CD300LF: variants seen among roughly 807,000 people sequenced by gnomAD.
CD300LF encodes CD300 molecule like family member f, also known as CMRF35-like molecule 1.
Under a neutral mutation model 32.2 loss-of-function variants are expected in CD300LF, and 27 were observed. That is an observed-to-expected ratio of 0.84 (90% CI 0.62 to 1.15). The LOEUF is 1.15. Among genes scored for constraint, CD300LF ranks in the 50% most tolerant of loss-of-function variants. The pLI, the probability that CD300LF is intolerant of heterozygous loss-of-function variation, is 0.00. For missense variants in CD300LF, 348 were observed against 356.8 expected, an observed-to-expected ratio of 0.98 and a Z score of 0.20; for synonymous variants, 139 against 143.2, an observed-to-expected ratio of 0.97 and a Z score of 0.21.
chr17:74,703,127 G>A (rs2143743058), intron 2 of CD300LF, 29 bp from the exon 3 acceptor site: 1 of 1,613,596 alleles, frequency 6.2e-7, no homozygotes, highest in Non-Finnish European at 8.5e-7. Flanking sequence ...TAGGCGTGGT[G>A]GGGGCAGGAG....
chr17:74,698,336 A>T, intron 4 of CD300LF, 33 bp downstream of exon 4: 1 of 1,472,708 alleles, frequency 6.8e-7, no homozygotes, highest in South Asian at 1.1e-5. Flanking sequence ...CACCCGGCCC[A>T]GTCTCAGCCC....
rs754141944 is a variant in CD300LF, at chr17:74,698,350, C to G, written c.559+19G>C. The G allele has an allele frequency of 6.4e-7, 1 of 1,571,158 alleles. No homozygotes were observed. The highest frequency in any genetic ancestry group is 1.4e-5 in the African/African-American group (1 of 74,022). ...CCACCCGGCCCAGTCTCAGCCCAGCCTCACCCAGGTCCTCTCACCTTTCTG... is the reference window on the plus strand; with the variant it reads ...CCACCCGGCCCAGTCTCAGCCCAGCGTCACCCAGGTCCTCTCACCTTTCTG... On this transcript the variant is annotated intron_variant, in intron 4 of 6. Coordinates refer to ENST00000326165, the MANE Select transcript of CD300LF (RefSeq NM_139018.5).
intron 3 of CD300LF, among the ~76,000 whole-genome samples, chr17:74,702,015 T>G (rs566604127): frequency 1.7e-4 from 25 of 150,746 alleles, no homozygotes; most frequent in African/African-American, 5.1e-4. Flanking sequence ...AGCAAGACTG[T>G]CTAAAAATAA....
At chr17:74,697,928 G>A (rs1434124293) in intron 4 of CD300LF, among the ~76,000 whole-genome samples, 3 of 152,082 alleles carry the variant, frequency 2.0e-5, no homozygotes, top group Non-Finnish European at 4.4e-5. Context: ...GCCCATGATC[G>A]CGCATGTGTG....
chr17:74,699,341 T>C (rs1221551210), intron 3 of CD300LF, among the ~76,000 whole-genome samples: 1 of 152,172 alleles, frequency 6.6e-6, no homozygotes, highest in Non-Finnish European at 1.5e-5. Context: ...ACACCTGCCC[T>C]CTCTACTGGG....
At chr17:74,698,550 C>A in intron 3 of CD300LF, 69 bp from the exon 4 acceptor site, 1 of 1,543,774 alleles carries the variant, frequency 6.5e-7, no homozygotes. Flanking sequence ...ATCCCACCCA[C>A]CCAGCAGCAG....
intron 3 of CD300LF, among the ~76,000 whole-genome samples, chr17:74,700,099 G>C (rs2032898959): frequency 6.6e-6 from 1 of 151,728 alleles, no homozygotes; most frequent in African/African-American, 2.4e-5. Context: ...CTGAGATCGC[G>C]CCACTGCACT....
Position 74,703,074 on chromosome 17 carries a change from C to T in CD300LF, c.407G>A (p.Ser136Asn), listed in dbSNP as rs781183553. 4 of 1,613,872 alleles carry T rather than the reference C, an allele frequency of 2.5e-6. No homozygotes were observed. In the African/African-American group the frequency reaches 5.3e-5, roughly 22 times the overall value. Reference sequence around the variant, plus strand: ...GTGGCCGGTCAGAGTTGGGGAGCTGCTAGTTTCTTCTTGGGTGACTGGTGC... The same window carrying T: ...GTGGCCGGTCAGAGTTGGGGAGCTGTTAGTTTCTTCTTGGGTGACTGGTGC... ...DPAPVTQEET[S>N]SSPTLTGHHL... The change falls in exon 3 of 7, where the codon AGC becomes AAC. Residue 136 changes from serine to asparagine, a missense_variant. Coordinates refer to ENST00000326165, the MANE Select transcript of CD300LF (RefSeq NM_139018.5).
intron 5 of CD300LF, 114 bp downstream of exon 5, chr17:74,696,081 A>C: frequency 2.2e-6 from 3 of 1,390,778 alleles, no homozygotes; most frequent in Non-Finnish European, 3.0e-6. Flanking sequence ...CCATGAGGAC[A>C]GGATACTTTG....
rs112789460 is a variant in CD300LF, at chr17:74,702,108, G to C, written c.446+927C>G. ...AGGGGGAGTAGAAGGGTCTCAGGTG[G>C]TTAGAATACCGGGGACCTCCCATAG... On this transcript the variant is annotated intron_variant, in intron 3 of 6. Coordinates refer to ENST00000326165, the MANE Select transcript of CD300LF (RefSeq NM_139018.5). Among the ~76,000 whole-genome samples, 1,425 of 152,166 alleles carry C rather than the reference G, an allele frequency of 9.4e-3. 16 individuals carry two copies. Among genetic ancestry groups the C allele is most frequent in the African/African-American group, 0.03 (1,250 of 41,524 alleles).
intron 1 of CD300LF, among the ~76,000 whole-genome samples, chr17:74,710,656 C>T (rs1039200524): frequency 3.3e-4 from 49 of 149,826 alleles, no homozygotes; most frequent in African/African-American, 1.1e-3. Flanking sequence ...GTCAGGAGTT[C>T]GAGACCAGCC....
intron 3 of CD300LF, 34 bp from the exon 4 acceptor site, chr17:74,698,515 G>T: frequency 1.3e-6 from 2 of 1,587,524 alleles, no homozygotes; most frequent in Non-Finnish European, 1.7e-6. Context: ...CTGCATCCCA[G>T]GCTCACCACC....
At chr17:74,700,141 CAATA>C (rs77860062) in intron 3 of CD300LF, among the ~76,000 whole-genome samples, 82,972 of 147,582 alleles carry the variant, frequency 0.56, 27,079 homozygotes, top group Middle Eastern at 0.8. Context: ...GACCCTGTCT[CAATA>C]AATAAATAAA....
chr17:74,699,646 C>T (rs763568685), intron 3 of CD300LF, among the ~76,000 whole-genome samples: 4 of 152,084 alleles, frequency 2.6e-5, no homozygotes, highest in Non-Finnish European at 4.4e-5. Context: ...CCCTTTGAGC[C>T]CCCAGGGTGG....
intron 1 of CD300LF, among the ~76,000 whole-genome samples, chr17:74,708,155 AAAAAAAG>A (rs1330555527): frequency 2.0e-4 from 30 of 151,846 alleles, no homozygotes; most frequent in African/African-American, 5.3e-4. Flanking sequence ...CTCAAAAAAA[AAAAAAAG>A]AAAAAAGAAA....
chr17:74,712,292 A>G (rs1234619977), intron 1 of CD300LF, among the ~76,000 whole-genome samples: 1 of 151,692 alleles, frequency 6.6e-6, no homozygotes, highest in African/African-American at 2.4e-5. Flanking sequence ...CCTTTCCTCT[A>G]CGTCCCTGCC....
intron 5 of CD300LF, 131 bp from the exon 6 acceptor site, chr17:74,695,990 C>T: frequency 7.7e-7 from 1 of 1,291,528 alleles, no homozygotes; most frequent in Non-Finnish European, 1.1e-6. Flanking sequence ...TCCGTGTCCT[C>T]CACTTCTCAG....
chr17:74,704,902 A>C, intron 1 of CD300LF, 86 bp from the exon 2 acceptor site: 1 of 1,044,074 alleles, frequency 9.6e-7, no homozygotes. Context: ...TCCCAAATCC[A>C]AGTTTCACAG....
rs774013701 is a variant in CD300LF, at chr17:74,704,594, C to T, written c.266G>A (p.Arg89His). The T allele has an allele frequency of 1.2e-5, 20 of 1,614,030 alleles. No individual in the cohort carries two copies. The East Asian group carries it at 1.8e-4, about 14-fold the overall frequency. Residue 89 changes from arginine (R) to histidine (H), a missense_variant, in exon 2 of 7, where the codon CGC (arginine) becomes CAC (histidine). Physicochemically the swap from Arg to His is conservative, Grantham distance 29. Coordinates refer to ENST00000326165, the MANE Select transcript of CD300LF (RefSeq NM_139018.5). ...RVSIKDNQKN[R>H]TFTVTMEDLM... ...ATCCTCCATGGTCACAGTGAACGTGCGGTTTTTCTGATTGTCCTTGATGGA... is the reference window on the plus strand; with the variant it reads ...ATCCTCCATGGTCACAGTGAACGTGTGGTTTTTCTGATTGTCCTTGATGGA...
Sources: gnomAD v4.1 joint callset for allele counts (sites outside exome capture counted in the v4.1 genomes callset) on GRCh38, gnomAD v4.1.1 for gene constraint, MANE v1.5 for transcripts, NCBI Gene and HGNC (gene_info 2026-07-23, HGNC 2026-07-21) for gene names.